ASTN2: variants seen among roughly 807,000 people sequenced by gnomAD.
ASTN2 encodes astrotactin 2.
A neutral mutation model predicts 139.8 loss-of-function variants in ASTN2; 54 were observed. That is an observed-to-expected ratio of 0.39 (90% CI 0.31 to 0.48). The LOEUF (loss-of-function observed/expected upper bound fraction) is 0.48. ASTN2 is among the 20% of genes least tolerant of loss of function. The pLI is 0.95. For missense variants in ASTN2, 1,565 were observed against 1,725.1 expected (o/e 0.91, Z 1.64); for synonymous variants, 756 against 719.5 (o/e 1.05, Z -0.81).
At chr9:116,999,814 C>A (rs986925869) in intron 7 of ASTN2, among the ~76,000 whole-genome samples, 1 of 152,038 alleles carries the variant, frequency 6.6e-6, no homozygotes, top group Non-Finnish European at 1.5e-5. Context: ...CCTGCCTTAG[C>A]GTCCCAAAGT....
At chr9:116,922,969 GTGGTGCAGAACC>G (rs1330392978) in intron 10 of ASTN2, among the ~76,000 whole-genome samples, 1 of 152,140 alleles carries the variant, frequency 6.6e-6, no homozygotes, top group Admixed American at 6.5e-5. Flanking sequence ...TAGGGCAGAG[GTGGTGCAGAACC>G]TTCCACAGGC....
intron 6 of ASTN2, among the ~76,000 whole-genome samples, chr9:117,024,621 C>G (rs968502308): frequency 6.6e-6 from 1 of 152,048 alleles, no homozygotes; most frequent in South Asian, 2.1e-4. Context: ...AAAGATAAAA[C>G]AGGAAGCTTT....
chr9:116,605,450 G>A (rs1855143121), intron 19 of ASTN2, among the ~76,000 whole-genome samples: 1 of 152,140 alleles, frequency 6.6e-6, no homozygotes, highest in Admixed American at 6.5e-5. Flanking sequence ...AAATCCAGCA[G>A]GAGAGCAGAA....
rs3984942 is a variant in ASTN2, at chr9:116,530,094, GAT to G, written c.3356-42596_3356-42595del. Among the ~76,000 whole-genome samples, 200 of 50,990 alleles carry G rather than the reference GAT, an allele frequency of 3.9e-3. 1 individual carries two copies. The highest frequency in any genetic ancestry group is 0.011 in the Middle Eastern group (1 of 90). The allele number at this position is 50,990 out of a possible 152,430, so 33.5% of individuals were successfully genotyped here. On this transcript the variant is annotated intron_variant, in intron 19 of 22. Coordinates refer to ENST00000313400, the MANE Select transcript of ASTN2 (RefSeq NM_001365068.1). ...ATCAGTGGATGAATGGATAAAGTGT[GAT>G]ATATATATATATATATATATATATA...
chr9:116,590,074 C>G (rs1406163160), intron 19 of ASTN2, among the ~76,000 whole-genome samples: 1 of 152,190 alleles, frequency 6.6e-6, no homozygotes, highest in African/African-American at 2.4e-5. Flanking sequence ...CCGGCTGCAG[C>G]AGGGGAGATG....
intron 1 of ASTN2, among the ~76,000 whole-genome samples, chr9:117,399,821 C>T (rs1174794484): frequency 1.3e-5 from 2 of 152,260 alleles, no homozygotes; most frequent in African/African-American, 4.8e-5. Context: ...TAAAATTCAT[C>T]CCCTATGCTA....
At chr9:116,942,140 C>T (rs1184258478) in intron 10 of ASTN2, among the ~76,000 whole-genome samples, 1 of 151,742 alleles carries the variant, frequency 6.6e-6, no homozygotes, top group Non-Finnish European at 1.5e-5. Flanking sequence ...CAATGTGGTC[C>T]TGCTTCTCTG....
intron 1 of ASTN2, among the ~76,000 whole-genome samples, chr9:117,344,916 A>G (rs1829167711): frequency 6.6e-6 from 1 of 152,076 alleles, no homozygotes; most frequent in Non-Finnish European, 1.5e-5. Flanking sequence ...AGTTTTATTC[A>G]TTTATTTATT....
intron 3 of ASTN2, among the ~76,000 whole-genome samples, chr9:117,159,834 C>T (rs900209025): frequency 2.6e-5 from 4 of 152,048 alleles, no homozygotes; most frequent in Non-Finnish European, 5.9e-5. Context: ...CTAGTTATTG[C>T]TATTAAGAAC....
chr9:117,121,498 T>A lies in ASTN2; in HGVS notation c.1168+19828A>T, dbSNP rs1204341688. Among the ~76,000 whole-genome samples, 4 of 152,140 alleles carry A rather than the reference T, an allele frequency of 2.6e-5. No homozygotes were observed. In the East Asian group the frequency reaches 7.7e-4, roughly 29 times the overall value. ...TCTTTTGATTCTGGAGACAGCAAAT[T>A]ACACACTTGGGAATATTTCCCTGAC... On this transcript the variant is annotated intron_variant, in intron 4 of 22. Transcript: ENST00000313400.
intron 3 of ASTN2, among the ~76,000 whole-genome samples, chr9:117,174,139 A>T (rs1830861256): frequency 6.6e-6 from 1 of 151,522 alleles, no homozygotes; most frequent in Non-Finnish European, 1.5e-5. Flanking sequence ...AGATAGATAG[A>T]TAGATAGATA....
chr9:116,541,139 C>T (rs1851862162), intron 19 of ASTN2, among the ~76,000 whole-genome samples: 1 of 151,930 alleles, frequency 6.6e-6, no homozygotes, highest in Non-Finnish European at 1.5e-5. Flanking sequence ...TTCTGCATTC[C>T]CATTCTATAA....
chr9:116,898,662 A>G (rs958695858), intron 10 of ASTN2, among the ~76,000 whole-genome samples: 1 of 151,794 alleles, frequency 6.6e-6, no homozygotes, highest in African/African-American at 2.4e-5. Flanking sequence ...GTTAAAAATT[A>G]TTCCTTTTAT....
chr9:116,675,450 C>T (rs531434064), intron 16 of ASTN2, among the ~76,000 whole-genome samples: 5 of 152,150 alleles, frequency 3.3e-5, no homozygotes, highest in South Asian at 4.2e-4. Context: ...AGCCCCATTG[C>T]GGGGTGTCTG....
In ASTN2 at chr9:116,496,900, GC is replaced by G. The variant is rs376487835; in HGVS notation, c.3356-9401del. Among the ~76,000 whole-genome samples, 903 of 152,194 alleles carry G rather than the reference GC, an allele frequency of 5.9e-3. 9 individuals are homozygous for G. The highest frequency in any genetic ancestry group is 0.021 in the African/African-American group (867 of 41,532). On this transcript the variant is annotated intron_variant, in intron 19 of 22. Coordinates refer to ENST00000313400, the MANE Select transcript of ASTN2 (RefSeq NM_001365068.1). ...CATGAGAACAGCACAGGTAAAACCT[GC>G]CCCCATGATTCAATTACCTCCCACC...
chr9:116,521,853 G>A (rs1218996360), intron 19 of ASTN2, among the ~76,000 whole-genome samples: 8 of 151,930 alleles, frequency 5.3e-5, no homozygotes, highest in Non-Finnish European at 2.9e-5. Context: ...AGCAGGTTAA[G>A]GACATGAGTA....
chr9:116,803,100 A>T (rs964760545), intron 13 of ASTN2, among the ~76,000 whole-genome samples: 6 of 152,106 alleles, frequency 3.9e-5, no homozygotes, highest in African/African-American at 1.4e-4. Context: ...GTCATCTTGC[A>T]AGCTTTTAAA....
intron 1 of ASTN2, among the ~76,000 whole-genome samples, chr9:117,385,639 A>G (rs1157409793): frequency 6.6e-6 from 1 of 152,114 alleles, no homozygotes; most frequent in Non-Finnish European, 1.5e-5. Flanking sequence ...TGGTTGGGTA[A>G]GGACTGTTCA....
Position 117,291,434 on chromosome 9 carries a change from G to A in ASTN2, c.522C>T (p.His174=), listed in dbSNP as rs150992416. The A allele has an allele frequency of 4.7e-5, 76 of 1,614,190 alleles. 1 individual carries two copies. Among genetic ancestry groups the A allele is most frequent in the African/African-American group, 6.7e-5 (5 of 75,066 alleles). The change falls in exon 2 of 23, where the codon CAC becomes CAT. Residue 174 remains histidine, a synonymous_variant. Transcript: ENST00000313400. The part of the protein sequence containing the change: ...QWLENGTLYF[H]VSMSSSGQLA... ...GCTGCCCGGAGCTGCTCATGGAGAC[G>A]TGGAAGTACAAGGTGCCATTCTCCA... is the stretch of plus-strand genomic sequence containing the variant.
Sources: allele counts gnomAD v4.1 joint callset (sites outside exome capture counted in the v4.1 genomes callset), GRCh38; gene constraint gnomAD v4.1.1; transcripts MANE v1.5; gene names NCBI Gene and HGNC (gene_info 2026-07-23, HGNC 2026-07-21).